Variants in CDKL1 observed in about 807,000 individuals in gnomAD.
CDKL1 encodes cyclin dependent kinase like 1, also known as cyclin-dependent kinase-like 1.
In CDKL1, 41 loss-of-function variants were observed where a neutral mutation model predicts 42.0. The observed-to-expected ratio is 0.98, with a 90% CI of 0.76 to 1.27. The LOEUF is 1.27. Ranked by LOEUF, CDKL1 falls within the 50% of genes most tolerant of loss-of-function variation. The pLI is 0.00. For missense variants in CDKL1, 394 were observed against 428.4 expected (o/e 0.92, Z 0.71); for synonymous variants, 153 against 158.6 (o/e 0.96, Z 0.26).
In CDKL1 at chr14:50,358,194, A is replaced by G. The variant is rs766267604; in HGVS notation, c.290+834T>C. ...CAGCGGAGCCCCCGGAGTCACTCCC[A>G]CCCTTCTCAGTTACAGCCACAACAC... On this transcript the variant is annotated intron_variant, in intron 3 of 9. Coordinates refer to ENST00000395834, the MANE Select transcript of CDKL1 (RefSeq NM_004196.7). 2.7e-5 allele frequency: 34 copies of G among 1,253,208 alleles called. No homozygotes were observed. The South Asian group carries it at 4.5e-4, about 17-fold the overall frequency. The allele number at this position is 1,253,208 out of a possible 1,614,324, so 77.6% of individuals were successfully genotyped here.
At position 50,381,719 on chromosome 14, in the gene CDKL1, G is replaced by A. The variant is rs568353287; in HGVS notation, c.168+13982C>T. On this transcript the variant is annotated intron_variant, in intron 2 of 9. Transcript: ENST00000395834. Reference sequence around the variant, plus strand: ...ATTTCATTGGTTTTTATGTGTGGCCGAAAACATCTGTTGGTTTAGAAATTC... The same window carrying A: ...ATTTCATTGGTTTTTATGTGTGGCCAAAAACATCTGTTGGTTTAGAAATTC... Among the ~76,000 whole-genome samples, 8 of 152,254 alleles carry A rather than the reference G, an allele frequency of 5.3e-5. No individual in the cohort carries two copies. In the East Asian group the frequency reaches 7.7e-4, roughly 15 times the overall value.
At chr14:50,391,509 A>G (rs1193926074) in intron 2 of CDKL1, among the ~76,000 whole-genome samples, 2 of 152,080 alleles carry the variant, frequency 1.3e-5, no homozygotes, top group East Asian at 1.9e-4. Context: ...CAGACTCCCA[A>G]GTAGCTGGGA....
intron 9 of CDKL1, chr14:50,331,704 G>T: frequency 3.4e-6 from 1 of 291,544 alleles, no homozygotes; most frequent in Non-Finnish European, 6.4e-6. Context: ...GATGCTTAAT[G>T]TAAGGCCATT....
At position 50,353,687 on chromosome 14, in the gene CDKL1, A is replaced by G. The variant is rs143841564; in HGVS notation, c.290+5341T>C. Among the ~76,000 whole-genome samples the G allele has an allele frequency of 1.4e-4, 22 of 152,270 alleles. No homozygotes were observed. In the East Asian group the frequency reaches 4.3e-3, roughly 29 times the overall value. On this transcript the variant is annotated intron_variant, in intron 3 of 9. Transcript: ENST00000395834. ...TGGAATTCTATACAGCCATTTTTAA[A>G]ATATAAAGGTAGATATGTATAGATA...
chr14:50,396,980 C>T, upstream of CDKL1: 2 of 856,384 alleles, frequency 2.3e-6, no homozygotes, highest in East Asian at 8.1e-5. Flanking sequence ...ACCCCCGGCC[C>T]GGCCCAGCCC....
chr14:50,346,530 A>G (rs1393526247), intron 3 of CDKL1, among the ~76,000 whole-genome samples: 1 of 151,870 alleles, frequency 6.6e-6, no homozygotes, highest in Non-Finnish European at 1.5e-5. Flanking sequence ...GTGCTATCAT[A>G]GCTCACTGAA....
At chr14:50,356,000 A>G (rs1258755043) in intron 3 of CDKL1, among the ~76,000 whole-genome samples, 4 of 152,158 alleles carry the variant, frequency 2.6e-5, no homozygotes, top group Admixed American at 2.0e-4. Flanking sequence ...AAAGGATTCT[A>G]TGTAGAGGGT....
At chr14:50,355,871 T>C (rs2034039899) in intron 3 of CDKL1, among the ~76,000 whole-genome samples, 1 of 152,164 alleles carries the variant, frequency 6.6e-6, no homozygotes, top group Non-Finnish European at 1.5e-5. Flanking sequence ...GCAAGGAATT[T>C]GGTAGGATGG....
rs2032847329 is a variant in CDKL1, at chr14:50,329,984, C to T, written c.*90G>A. On this transcript the variant is annotated 3_prime_UTR_variant, in exon 10 of 10. Transcript: ENST00000395834. ...ATGTTTTCTCCTGGTGTGTTTTCAA[C>T]ATTGTAATTGTTTTCAATCAACTGT... The T allele has an allele frequency of 3.4e-6, 5 of 1,454,008 alleles. No individual in the cohort carries two copies. Among genetic ancestry groups the T allele is most frequent in the East Asian group, 2.5e-5 (1 of 39,658 alleles). The allele number at this position is 1,454,008 out of a possible 1,614,324, so 90.1% of individuals were successfully genotyped here.
rs2033584999 is a variant in CDKL1 at position 50,342,585 on chromosome 14, A to G, written c.364-363T>C. 4.0e-5 allele frequency: 10 copies of G among 251,424 alleles called. No homozygotes were observed. The South Asian group carries it at 8.7e-4, about 22-fold the overall frequency. 15.6% of individuals were successfully genotyped at this position (251,424 alleles called of 1,614,324 possible). On this transcript the variant is annotated intron_variant, in intron 4 of 9. Transcript: ENST00000395834. ...TTGGGATGTACTTATACTAAAAGTT[A>G]TGCTTGTTTATCTGAAATTCAAATT...
At chr14:50,358,173 G>A (rs1349861610) in intron 3 of CDKL1, 6 of 1,296,122 alleles carry the variant, frequency 4.6e-6, no homozygotes, top group South Asian at 1.2e-5. Flanking sequence ...TAAGATCAGC[G>A]GAGCCCCCGG....
intron 9 of CDKL1, 177 bp from the exon 10 acceptor site, chr14:50,330,358 A>T: frequency 1.5e-6 from 1 of 685,584 alleles, no homozygotes; most frequent in Non-Finnish European, 2.2e-6. Flanking sequence ...TTTTCCTTTT[A>T]AATGTTTATA....
intron 4 of CDKL1, chr14:50,342,876 A>G (rs563284056): frequency 5.5e-6 from 7 of 1,279,414 alleles, no homozygotes; most frequent in South Asian, 3.9e-5. Context: ...CATCCGGACA[A>G]GATAAACAAG....
At chr14:50,381,188 G>A (rs921278586) in intron 2 of CDKL1, among the ~76,000 whole-genome samples, 1 of 152,200 alleles carries the variant, frequency 6.6e-6, no homozygotes, top group Admixed American at 6.5e-5. Context: ...TACTATTCAG[G>A]CCATATGACT....
rs373202347 is a variant in CDKL1, at chr14:50,395,759, T to G, written c.110A>C (p.Glu37Ala). The G allele has an allele frequency of 1.5e-5, 25 of 1,614,060 alleles. No individual in the cohort carries two copies. The highest frequency in any genetic ancestry group is 1.6e-4 in the Middle Eastern group (1 of 6,062). ...GQIVAIKKFL[E>A]SEDDPVIKKI... ...CTTTATGACAGGGTCATCTTCTGAT[T>G]CCAGAAACTTCTTGATGGCCACAAT... The change falls in exon 2 of 10, where the codon GAA becomes GCA. Residue 37 changes from glutamate to alanine, a missense_variant. By Grantham distance (107) the Glu-to-Ala change is moderately radical (BLOSUM62 -1). Coordinates refer to ENST00000395834, the MANE Select transcript of CDKL1 (RefSeq NM_004196.7).
chr14:50,329,221 A>G lies in CDKL1; in HGVS notation c.*853T>C, dbSNP rs2032818081. 6.6e-6 allele frequency: 1 copy of G among 152,156 alleles called. No homozygotes were observed. Among genetic ancestry groups the G allele is most frequent in the Non-Finnish European group, 1.5e-5 (1 of 68,028 alleles). The allele number at this position is 152,156 out of a possible 1,614,324, so 9.4% of individuals were successfully genotyped here. A position where few individuals can be genotyped will look rare whatever the true frequency, so the allele number is the denominator to read the frequency against. ...TTACAGGTTTGCCTATAGATGTACCAGGTCAAAGGCTGTGCCAGAGAGAAT... is the reference window on the plus strand; with the variant it reads ...TTACAGGTTTGCCTATAGATGTACCGGGTCAAAGGCTGTGCCAGAGAGAAT... On this transcript the variant is annotated 3_prime_UTR_variant, in exon 10 of 10. Transcript: ENST00000395834.
At chr14:50,371,731 C>T (rs997220128) in intron 2 of CDKL1, among the ~76,000 whole-genome samples, 1 of 152,216 alleles carries the variant, frequency 6.6e-6, no homozygotes, top group African/African-American at 2.4e-5. Flanking sequence ...GCCCCACCCT[C>T]CCAGGCAGCT....
At chr14:50,395,658 C>A (rs572307987) in intron 2 of CDKL1, 43 bp downstream of exon 2, 63 of 1,368,132 alleles carry the variant, frequency 4.6e-5, no homozygotes, top group Non-Finnish European at 6.1e-5. Context: ...CAGAGTGAAA[C>A]CCTGTCTCGA....
At chr14:50,391,459 T>C (rs1467667820) in intron 2 of CDKL1, among the ~76,000 whole-genome samples, 1 of 152,342 alleles carries the variant, frequency 6.6e-6, no homozygotes, top group Admixed American at 6.5e-5. Context: ...CTCAGTTCAC[T>C]GGAGCCTCTG....
Sources: gnomAD v4.1 joint callset for allele counts (sites outside exome capture counted in the v4.1 genomes callset) on GRCh38, gnomAD v4.1.1 for gene constraint, MANE v1.5 for transcripts, NCBI Gene and HGNC (gene_info 2026-07-23, HGNC 2026-07-21) for gene names.